The following TACR1 variants were observed in gnomAD, a reference collection of about 807,000 sequenced individuals.
TACR1 encodes substance-P receptor.
Under a neutral mutation model 35.8 loss-of-function variants are expected in TACR1, and 25 were observed. The ratio of observed to expected loss-of-function variants is 0.70; its 90% CI spans 0.51 to 0.98. The LOEUF (loss-of-function observed/expected upper bound fraction) is 0.98. Among genes scored for constraint, TACR1 ranks in the 50% least tolerant of loss-of-function variants. The pLI is 0.00. For synonymous variants in TACR1, 195 were observed against 206.7 expected, an observed-to-expected ratio of 0.94 and a Z score of 0.48; for missense variants, 478 against 522.9, an observed-to-expected ratio of 0.91 and a Z score of 0.84.
At chr2:75,100,462 T>C (rs1439908042) in intron 2 of TACR1, among the ~76,000 whole-genome samples, 1 of 152,228 alleles carries the variant, frequency 6.6e-6, no homozygotes, top group Non-Finnish European at 1.5e-5. Flanking sequence ...TTTGCTTCCC[T>C]CATCCTCCAA....
At chr2:75,076,964 C>T (rs1345447686) in intron 2 of TACR1, among the ~76,000 whole-genome samples, 1 of 152,168 alleles carries the variant, frequency 6.6e-6, no homozygotes, top group African/African-American at 2.4e-5. Context: ...TTTCACCACA[C>T]ATCTATTATT....
chr2:75,077,303 T>C (rs112433203), intron 2 of TACR1, among the ~76,000 whole-genome samples: 1,975 of 152,286 alleles, frequency 0.013, 32 homozygotes, highest in African/African-American at 0.045. Flanking sequence ...GAACAGAGGT[T>C]CAGAGAGAGA....
At chr2:75,126,153 A>G (rs761957416) in intron 1 of TACR1, among the ~76,000 whole-genome samples, 2 of 152,092 alleles carry the variant, frequency 1.3e-5, no homozygotes, top group Non-Finnish European at 2.9e-5. Flanking sequence ...GTTCCCACTT[A>G]TAAGTGGGAA....
chr2:75,097,232 G>A (rs146780421), intron 2 of TACR1, among the ~76,000 whole-genome samples: 50 of 152,246 alleles, frequency 3.3e-4, no homozygotes, highest in Non-Finnish European at 2.1e-4. Flanking sequence ...TAAAGATAGC[G>A]AAGTGTTTTT....
In TACR1 at chr2:75,049,431, C is replaced by T. The variant is rs1039453643; in HGVS notation, c.*1G>A. The T allele has an allele frequency of 6.2e-6, 10 of 1,611,438 alleles. No individual in the cohort carries two copies. In the African/African-American group the frequency reaches 8.0e-5, roughly 13 times the overall value. On this transcript the variant is annotated 3_prime_UTR_variant, in exon 5 of 5. Coordinates refer to ENST00000305249, the MANE Select transcript of TACR1 (RefSeq NM_001058.4). ...GCTGCACCTGCCAAAGGCCCTGTGG[C>T]CTAGGAGAGCACATTGGAGGAGAAG...
chr2:75,188,491 T>A lies in TACR1; in HGVS notation c.389+10055A>T, dbSNP rs1437581058. 3 of 152,310 alleles carry A rather than the reference T, an allele frequency of 2.0e-5. No individual in the cohort carries two copies. In the South Asian group the frequency reaches 6.2e-4, roughly 32 times the overall value. 9.4% of individuals were successfully genotyped at this position (152,310 alleles called of 1,614,324 possible). ...TCATGAGCTCAGGCAGCTGTGTGATTTGTGAAGGTGGCTGCTCATCAGTCC... is the reference window on the plus strand; with the variant it reads ...TCATGAGCTCAGGCAGCTGTGTGATATGTGAAGGTGGCTGCTCATCAGTCC... On this transcript the variant is annotated intron_variant, in intron 1 of 4. Coordinates refer to ENST00000305249, the MANE Select transcript of TACR1 (RefSeq NM_001058.4).
intron 1 of TACR1, among the ~76,000 whole-genome samples, chr2:75,192,440 C>A (rs1675868515): frequency 6.6e-6 from 1 of 152,232 alleles, no homozygotes; most frequent in South Asian, 2.1e-4. Context: ...TTGAATTTAA[C>A]AAATGGGAAA....
intron 1 of TACR1, among the ~76,000 whole-genome samples, chr2:75,161,894 C>T (rs921390153): frequency 6.6e-6 from 1 of 152,024 alleles, no homozygotes; most frequent in African/African-American, 2.4e-5. Context: ...TATATCTTCT[C>T]ATCAGTTCTG....
chr2:75,199,042 G>T lies in TACR1; in HGVS notation c.-108C>A. On this transcript the variant is annotated 5_prime_UTR_variant, in exon 1 of 5. Coordinates refer to ENST00000305249, the MANE Select transcript of TACR1 (RefSeq NM_001058.4). Reference sequence around the variant, plus strand: ...GGGTCCTTCTAAAGCCAGACAGGAGGGTGGAAGGCTTTTTCTGGGCAGCAC... The same window carrying T: ...GGGTCCTTCTAAAGCCAGACAGGAGTGTGGAAGGCTTTTTCTGGGCAGCAC... 1 of 1,382,504 alleles carries T rather than the reference G, an allele frequency of 7.2e-7. No homozygotes were observed. Among genetic ancestry groups the T allele is most frequent in the Non-Finnish European group, 9.7e-7 (1 of 1,027,192 alleles). 85.6% of individuals were successfully genotyped at this position (1,382,504 alleles called of 1,614,324 possible).
intron 2 of TACR1, among the ~76,000 whole-genome samples, chr2:75,084,878 G>A (rs1161535351): frequency 6.6e-6 from 1 of 151,968 alleles, no homozygotes. Flanking sequence ...CAGAAAATTA[G>A]CTCCTGGATT....
At chr2:75,120,893 T>G (rs954818288) in intron 1 of TACR1, 125 bp from the exon 2 acceptor site, 21 of 792,546 alleles carry the variant, frequency 2.6e-5, no homozygotes, top group Non-Finnish European at 3.6e-5. Flanking sequence ...TTTGTACAAT[T>G]ATTTTCCAAT....
intron 1 of TACR1, among the ~76,000 whole-genome samples, chr2:75,129,060 C>A (rs182568771): frequency 3.3e-5 from 5 of 152,232 alleles, no homozygotes; most frequent in African/African-American, 1.2e-4. Flanking sequence ...AATAGGACCA[C>A]ATTAGCTCCA....
intron 1 of TACR1, among the ~76,000 whole-genome samples, chr2:75,164,873 T>C (rs1210628200): frequency 1.3e-5 from 2 of 152,172 alleles, no homozygotes; most frequent in Non-Finnish European, 2.9e-5. Context: ...TAACACTTTA[T>C]GAAAATAATT....
chr2:75,150,981 C>A (rs1191814063), intron 1 of TACR1, among the ~76,000 whole-genome samples: 1 of 152,120 alleles, frequency 6.6e-6, no homozygotes, highest in African/African-American at 2.4e-5. Flanking sequence ...TTGCCCCTGC[C>A]CTAGAGATTT....
At chr2:75,057,491 C>T (rs72824225) in intron 2 of TACR1, among the ~76,000 whole-genome samples, 18,748 of 152,232 alleles carry the variant, frequency 0.12, 1,490 homozygotes, top group South Asian at 0.24. Context: ...GTGAAACATT[C>T]AACCTTAAAA....
Position 75,117,487 on chromosome 2 carries a change from T to C in TACR1, c.584+3087A>G, listed in dbSNP as rs113316934. Among the ~76,000 whole-genome samples, 568 of 152,286 alleles carry C rather than the reference T, an allele frequency of 3.7e-3. 5 individuals carry two copies. Among genetic ancestry groups the C allele is most frequent in the African/African-American group, 0.013 (543 of 41,568 alleles). On this transcript the variant is annotated intron_variant, in intron 2 of 4. Transcript: ENST00000305249. ...ACCAGATTAATGAATGATGCTAACA[T>C]TGGTAGTTAACATTCACTAGACCCT...
intron 2 of TACR1, among the ~76,000 whole-genome samples, chr2:75,083,921 T>C (rs367909437): frequency 6.6e-6 from 1 of 151,848 alleles, no homozygotes; most frequent in African/African-American, 2.4e-5. Context: ...CCTTTATTTC[T>C]TTCTCCTGCC....
chr2:75,059,213 A>G (rs746067775), intron 2 of TACR1, among the ~76,000 whole-genome samples: 4 of 152,236 alleles, frequency 2.6e-5, no homozygotes, highest in Non-Finnish European at 5.9e-5. Context: ...ATAATCATCC[A>G]GAATCTTCTT....
chr2:75,177,933 A>G (rs751688279), intron 1 of TACR1, among the ~76,000 whole-genome samples: 13 of 151,390 alleles, frequency 8.6e-5, no homozygotes, highest in Non-Finnish European at 1.6e-4. Context: ...AACCTCTAAC[A>G]CCTCCTTCCT....
Sources: allele counts gnomAD v4.1 joint callset (sites outside exome capture counted in the v4.1 genomes callset), GRCh38; gene constraint gnomAD v4.1.1; transcripts MANE v1.5; gene names NCBI Gene and HGNC (gene_info 2026-07-23, HGNC 2026-07-21).